Variants in PDE4B observed in about 807,000 individuals in gnomAD.
PDE4B encodes the protein phosphodiesterase 4B, also known as 3',5'-cyclic-AMP phosphodiesterase 4B.
In PDE4B, 20 loss-of-function variants were observed where a neutral mutation model predicts 82.2. The observed-to-expected ratio is 0.24, with a 90% CI of 0.17 to 0.35. The LOEUF is 0.35. Ranked by LOEUF, PDE4B falls within the 10% of genes least tolerant of loss-of-function variation. PDE4B has a pLI of 1.00. For missense variants in PDE4B, 655 were observed against 907.2 expected (o/e 0.72, Z 3.57); for synonymous variants, 320 against 318.9 (o/e 1.00, Z -0.04).
In PDE4B at chr1:66,231,816, G is replaced by A. The variant is rs945082894; in HGVS notation, c.282-15644G>A. ...CTGGTCTTATTTCCCTCTTTTGAAA[G>A]GCTTCCTATGGAAAGAAAAATCAAA... On this transcript the variant is annotated intron_variant, in intron 3 of 16. Coordinates refer to ENST00000341517, the MANE Select transcript of PDE4B (RefSeq NM_002600.4). 5.9e-5 allele frequency among the ~76,000 whole-genome samples: 9 copies of A among 152,214 alleles called. No homozygotes were observed. The East Asian group carries it at 1.7e-3, about 29-fold the overall frequency.
At chr1:66,331,934 A>G (rs1030009639) in intron 7 of PDE4B, 5 of 996,446 alleles carry the variant, frequency 5.0e-6, no homozygotes, top group African/African-American at 1.7e-5. Context: ...TGTTCGCTGA[A>G]TTAGAAGTTA....
chr1:66,060,840 C>G (rs1655547439), intron 3 of PDE4B, among the ~76,000 whole-genome samples: 1 of 151,952 alleles, frequency 6.6e-6, no homozygotes, highest in South Asian at 2.1e-4. Context: ...GTCAGTGTCT[C>G]CTGCCTTGTG....
At chr1:66,026,573 G>T (rs1653445204) in intron 3 of PDE4B, among the ~76,000 whole-genome samples, 1 of 152,140 alleles carries the variant, frequency 6.6e-6, no homozygotes, top group South Asian at 2.1e-4. Context: ...TAATTTATGG[G>T]TTTGTTGTGA....
intron 3 of PDE4B, among the ~76,000 whole-genome samples, chr1:66,081,638 A>C (rs557740188): frequency 7.2e-5 from 11 of 152,278 alleles, no homozygotes; most frequent in Admixed American, 7.2e-4. Context: ...TTCATGTTTT[A>C]TCAGGAACCC....
At chr1:66,353,271 C>T (rs1351867493) in intron 8 of PDE4B, among the ~76,000 whole-genome samples, 7 of 152,184 alleles carry the variant, frequency 4.6e-5, no homozygotes, top group African/African-American at 1.4e-4. Flanking sequence ...AACACACACA[C>T]ATACGCAAGC....
At chr1:65,970,291 A>G (rs1050732937) in intron 3 of PDE4B, among the ~76,000 whole-genome samples, 3 of 152,118 alleles carry the variant, frequency 2.0e-5, no homozygotes, top group Middle Eastern at 3.4e-3. Flanking sequence ...TGAAACTGAC[A>G]ATACAAACCT....
intron 3 of PDE4B, among the ~76,000 whole-genome samples, chr1:66,012,726 A>G (rs1652556014): frequency 1.3e-5 from 2 of 152,160 alleles, no homozygotes; most frequent in South Asian, 4.1e-4. Flanking sequence ...CCAAACAACT[A>G]GGAATCTCCT....
chr1:65,961,622 A>G (rs1325563191), intron 3 of PDE4B, among the ~76,000 whole-genome samples: 1 of 152,182 alleles, frequency 6.6e-6, no homozygotes, highest in Non-Finnish European at 1.5e-5. Context: ...AAGGTAGCAT[A>G]TTCAATAAGT....
Position 65,808,983 on chromosome 1 carries a change from G to A in PDE4B, c.-71+15735G>A, listed in dbSNP as rs1049286475. On this transcript the variant is annotated intron_variant, in intron 1 of 16. Coordinates refer to ENST00000341517, the MANE Select transcript of PDE4B (RefSeq NM_002600.4). Reference sequence around the variant, plus strand: ...AGGTTTTAACAGAATAACAGAAAGTGGAATTGTTTTTTGAACATGTTATGT... The same window carrying A: ...AGGTTTTAACAGAATAACAGAAAGTAGAATTGTTTTTTGAACATGTTATGT... Among the ~76,000 whole-genome samples, 4 of 152,084 alleles carry A rather than the reference G, an allele frequency of 2.6e-5. No homozygotes were observed. The East Asian group carries it at 5.8e-4, about 22-fold the overall frequency.
At chr1:66,363,719 G>A (rs1276650118) in intron 12 of PDE4B, 148 bp downstream of exon 12, 1 of 583,966 alleles carries the variant, frequency 1.7e-6, no homozygotes, top group South Asian at 2.7e-5. Context: ...CAAGGTTACA[G>A]TGAGCTATGA....
At position 65,967,661 on chromosome 1, in the gene PDE4B, C is replaced by T. The variant is rs1649908019; in HGVS notation, c.281+48826C>T. Among the ~76,000 whole-genome samples, 3 of 152,154 alleles carry T rather than the reference C, an allele frequency of 2.0e-5. No homozygotes were observed. In the South Asian group the frequency reaches 6.2e-4, roughly 31 times the overall value. ...TAGATTGGATAAAGAAAATGTGGCT[C>T]ATATACACCATGGAATACTACGCAG... On this transcript the variant is annotated intron_variant, in intron 3 of 16. Coordinates refer to ENST00000341517, the MANE Select transcript of PDE4B (RefSeq NM_002600.4).
chr1:65,942,572 G>A (rs1238899468), intron 3 of PDE4B, among the ~76,000 whole-genome samples: 8 of 151,818 alleles, frequency 5.3e-5, no homozygotes, highest in Non-Finnish European at 1.2e-4. Flanking sequence ...TCATATGGTA[G>A]CTCTATTTTT....
At position 66,016,086 on chromosome 1, in the gene PDE4B, G is replaced by A. The variant is rs1451448064; in HGVS notation, c.281+97251G>A. ...TTATTGACTATGTGACCTTGGGAAA[G>A]TTATTAAACCTCTCTGTGTCTGAGT... On this transcript the variant is annotated intron_variant, in intron 3 of 16. Coordinates refer to ENST00000341517, the MANE Select transcript of PDE4B (RefSeq NM_002600.4). Among the ~76,000 whole-genome samples, 6 of 152,152 alleles carry A rather than the reference G, an allele frequency of 3.9e-5. No homozygotes were observed. In the South Asian group the frequency reaches 1.0e-3, roughly 26 times the overall value.
chr1:66,203,752 A>AT (rs1355090889), intron 3 of PDE4B, among the ~76,000 whole-genome samples: 2 of 151,504 alleles, frequency 1.3e-5, no homozygotes, highest in Non-Finnish European at 2.9e-5. Flanking sequence ...CATTCATCTA[A>AT]TTTTTTTTCA....
chr1:66,131,592 GATAT>G (rs71058452), intron 3 of PDE4B, among the ~76,000 whole-genome samples: 425 of 32,804 alleles, frequency 0.013, no homozygotes, highest in Non-Finnish European at 0.022. Context: ...CTGAATGCCA[GATAT>G]ATATATATAT....
chr1:66,210,036 G>A (rs1238820101), intron 3 of PDE4B, among the ~76,000 whole-genome samples: 1 of 152,014 alleles, frequency 6.6e-6, no homozygotes, highest in Non-Finnish European at 1.5e-5. Flanking sequence ...AGAATTTCTT[G>A]AACTCTGCAT....
At chr1:66,313,270 G>A (rs1658794727) in intron 7 of PDE4B, among the ~76,000 whole-genome samples, 1 of 152,168 alleles carries the variant, frequency 6.6e-6, no homozygotes, top group African/African-American at 2.4e-5. Context: ...CCAAGGAGAA[G>A]TACTCTACTC....
intron 7 of PDE4B, among the ~76,000 whole-genome samples, chr1:66,316,975 C>G (rs1027187428): frequency 1.3e-5 from 2 of 152,164 alleles, no homozygotes; most frequent in Non-Finnish European, 1.5e-5. Flanking sequence ...GGAAAGTGAG[C>G]TAGCTGTGAC....
At chr1:66,294,250 C>T (rs940673917) in intron 7 of PDE4B, among the ~76,000 whole-genome samples, 1 of 152,062 alleles carries the variant, frequency 6.6e-6, no homozygotes, top group African/African-American at 2.4e-5. Context: ...TTGGGCTTCT[C>T]TCAACAAAGT....
Sources: gnomAD v4.1 joint callset for allele counts (sites outside exome capture counted in the v4.1 genomes callset) on GRCh38, gnomAD v4.1.1 for gene constraint, MANE v1.5 for transcripts, NCBI Gene and HGNC (gene_info 2026-07-23, HGNC 2026-07-21) for gene names.